TGFBR3: variants seen among roughly 807,000 people sequenced by gnomAD.
TGFBR3 encodes the protein transforming growth factor beta receptor type 3.
TGFBR3 carries 46 observed loss-of-function variants against 87.9 expected under a neutral mutation model. The observed-to-expected ratio is 0.52, with a 90% confidence interval of 0.41 to 0.67. TGFBR3 has a LOEUF of 0.67. Among genes scored for constraint, TGFBR3 ranks in the 30% least tolerant of loss-of-function variants. The pLI, the probability that TGFBR3 is intolerant of heterozygous loss-of-function variation, is 0.00. For missense variants in TGFBR3, 866 were observed against 1,041.9 expected (o/e 0.83, Z 2.32); for synonymous variants, 381 against 391.6 (o/e 0.97, Z 0.32).
At chr1:91,722,208 A>G in intron 7 of TGFBR3, 64 bp from the exon 8 acceptor site, 1 of 1,280,068 alleles carries the variant, frequency 7.8e-7, no homozygotes, top group African/African-American at 1.5e-5. Context: ...GATAATAAAA[A>G]TTAAATATCT....
intron 2 of TGFBR3, among the ~76,000 whole-genome samples, chr1:91,827,134 G>T (rs989915396): frequency 4.6e-5 from 7 of 152,112 alleles, no homozygotes; most frequent in Admixed American, 4.6e-4. Context: ...AAATGTCCTG[G>T]ACTTCTAGGG....
At chr1:91,847,690 T>C (rs1363260809) in intron 2 of TGFBR3, among the ~76,000 whole-genome samples, 1 of 149,496 alleles carries the variant, frequency 6.7e-6, no homozygotes, top group Non-Finnish European at 1.5e-5. Flanking sequence ...AGAAATGAGG[T>C]ATACCCAACT....
chr1:91,823,455 A>C (rs1370758919), intron 2 of TGFBR3, among the ~76,000 whole-genome samples: 1 of 152,248 alleles, frequency 6.6e-6, no homozygotes, highest in Non-Finnish European at 1.5e-5. Flanking sequence ...ATAATACTAA[A>C]AGGAAACAAC....
chr1:91,834,400 G>A lies in TGFBR3; in HGVS notation c.61+27071C>T, dbSNP rs149456465. 8.2e-3 allele frequency among the ~76,000 whole-genome samples: 1,242 copies of A among 152,290 alleles called. 24 individuals carry two copies. Among genetic ancestry groups the A allele is most frequent in the African/African-American group, 0.028 (1,177 of 41,554 alleles). The stretch of plus-strand genomic sequence containing the variant: ...AGATCTCATTTCCTATCCTCTGACA[G>A]GTTCCCCTTTGGTTCAGGCCTGAAG... On this transcript the variant is annotated intron_variant, in intron 2 of 16. Coordinates refer to ENST00000212355, the MANE Select transcript of TGFBR3 (RefSeq NM_003243.5).
At position 91,683,709 on chromosome 1, in the gene TGFBR3, C is replaced by T. The variant is rs1480903440; in HGVS notation, c.*30G>A. 1.4e-6 allele frequency: 2 copies of T among 1,472,730 alleles called. No individual in the cohort carries two copies. The highest frequency in any genetic ancestry group is 2.0e-5 in the Admixed American group (1 of 49,552). 91.2% of individuals were successfully genotyped at this position (1,472,730 alleles called of 1,614,324 possible). A position where few individuals can be genotyped will look rare whatever the true frequency, so the allele number is the denominator to read the frequency against. On this transcript the variant is annotated 3_prime_UTR_variant, in exon 17 of 17. Transcript: ENST00000212355. ...AGTAGCTGAGCTGAGCTGGGCTGGG[C>T]TGGGTTGGGCCGGGTTGGGCTGGGT...
chr1:91,888,226 G>A (rs1679377644), upstream of TGFBR3, among the ~76,000 whole-genome samples: 1 of 152,158 alleles, frequency 6.6e-6, no homozygotes, highest in Non-Finnish European at 1.5e-5. Flanking sequence ...TGATTGTGAG[G>A]TCTCCCCAGC....
At chr1:91,747,471 G>C (rs1372847782) in intron 4 of TGFBR3, among the ~76,000 whole-genome samples, 1 of 152,212 alleles carries the variant, frequency 6.6e-6, no homozygotes, top group African/African-American at 2.4e-5. Flanking sequence ...GCTGGTCAGA[G>C]TGGAGAGGAA....
intron 1 of TGFBR3, among the ~76,000 whole-genome samples, chr1:91,873,728 C>T (rs963847767): frequency 6.6e-6 from 1 of 152,178 alleles, no homozygotes; most frequent in Admixed American, 6.5e-5. Flanking sequence ...GGGTGGATCA[C>T]TTGAGATCAG....
At chr1:91,822,602 T>C (rs1676489480) in intron 2 of TGFBR3, among the ~76,000 whole-genome samples, 1 of 152,098 alleles carries the variant, frequency 6.6e-6, no homozygotes, top group Non-Finnish European at 1.5e-5. Flanking sequence ...GCCTATTTTA[T>C]CTCCCTTACA....
At chr1:91,833,600 T>A (rs1197226476) in intron 2 of TGFBR3, among the ~76,000 whole-genome samples, 1 of 147,568 alleles carries the variant, frequency 6.8e-6, no homozygotes, top group African/African-American at 2.5e-5. Flanking sequence ...AAACCCCACA[T>A]CTACTAAAAA....
chr1:91,868,451 A>G lies in TGFBR3; in HGVS notation c.-113-6807T>C, dbSNP rs187336612. On this transcript the variant is annotated intron_variant, in intron 1 of 16. Coordinates refer to ENST00000212355, the MANE Select transcript of TGFBR3 (RefSeq NM_003243.5). ...CATACAAGGTATGGGTTCTAAAGATACTCATAATGTAGCAAAACTGTCCAA... is the reference window on the plus strand; with the variant it reads ...CATACAAGGTATGGGTTCTAAAGATGCTCATAATGTAGCAAAACTGTCCAA... Among the ~76,000 whole-genome samples, 20 of 152,266 alleles carry G rather than the reference A, an allele frequency of 1.3e-4. No individual in the cohort carries two copies. In the East Asian group the frequency reaches 3.5e-3, roughly 26 times the overall value.
At chr1:91,688,336 C>G (rs1484650000) in intron 16 of TGFBR3, among the ~76,000 whole-genome samples, 1 of 152,018 alleles carries the variant, frequency 6.6e-6, no homozygotes, top group African/African-American at 2.4e-5. Flanking sequence ...AGAAGAAAAG[C>G]AAGAGGGAAA....
chr1:91,856,220 G>A (rs1048620992), intron 2 of TGFBR3, among the ~76,000 whole-genome samples: 3 of 152,068 alleles, frequency 2.0e-5, no homozygotes, highest in African/African-American at 2.4e-5. Flanking sequence ...CCGCCACCGC[G>A]CGTGGCTAAT....
chr1:91,719,585 C>G (rs1358611639), intron 9 of TGFBR3, 121 bp from the exon 10 acceptor site: 1 of 1,274,938 alleles, frequency 7.8e-7, no homozygotes, highest in Admixed American at 1.8e-5. Flanking sequence ...GCATCGTGCC[C>G]CTTCCCCAAG....
At chr1:91,758,062 CAT>C (rs1673812826) in intron 4 of TGFBR3, among the ~76,000 whole-genome samples, 1 of 152,158 alleles carries the variant, frequency 6.6e-6, no homozygotes, top group African/African-American at 2.4e-5. Flanking sequence ...CTCAAAGGGA[CAT>C]GATTTACAAA....
chr1:91,755,417 T>C (rs1311764225), intron 4 of TGFBR3, among the ~76,000 whole-genome samples: 5 of 152,146 alleles, frequency 3.3e-5, no homozygotes, highest in African/African-American at 4.8e-5. Context: ...CCATCGTCTC[T>C]TCCAGGCCAA....
At chr1:91,798,230 T>C (rs1419200155) in intron 2 of TGFBR3, among the ~76,000 whole-genome samples, 1 of 152,138 alleles carries the variant, frequency 6.6e-6, no homozygotes, top group African/African-American at 2.4e-5. Flanking sequence ...GCATGCCACC[T>C]TCCACACAGG....
intron 2 of TGFBR3, among the ~76,000 whole-genome samples, chr1:91,846,101 TTAGAAAACAATA>T (rs1205785126): frequency 1.3e-5 from 2 of 152,118 alleles, no homozygotes; most frequent in Non-Finnish European, 1.5e-5. Flanking sequence ...CACTGGCAGT[TTAGAAAACAATA>T]TAGCCACAAG....
chr1:91,721,840 T>C (rs893382264), intron 8 of TGFBR3, 115 bp downstream of exon 8: 1 of 979,952 alleles, frequency 1.0e-6, no homozygotes, highest in African/African-American at 1.7e-5. Context: ...AGTAGTCAAA[T>C]TATTAAAATG....
Sources: allele counts gnomAD v4.1 joint callset (sites outside exome capture counted in the v4.1 genomes callset), GRCh38; gene constraint gnomAD v4.1.1; transcripts MANE v1.5; gene names NCBI Gene and HGNC (gene_info 2026-07-23, HGNC 2026-07-21).